The following PKD1L1 variants were observed in gnomAD, a reference collection of about 807,000 sequenced individuals.
The protein encoded by PKD1L1 is polycystin 1 like 1, transient receptor potential channel interacting.
In PKD1L1, 236 loss-of-function variants were observed where a neutral mutation model predicts 323.4. The observed-to-expected ratio is 0.73, with a 90% CI of 0.66 to 0.81. The LOEUF (loss-of-function observed/expected upper bound fraction) is 0.81. Ranked by LOEUF, PKD1L1 falls within the 40% of genes least tolerant of loss-of-function variation. The pLI, the probability that PKD1L1 is intolerant of heterozygous loss-of-function variation, is 0.00. For missense variants in PKD1L1, 3,320 were observed against 3,508.0 expected, an observed-to-expected ratio of 0.95 and a Z score of 1.35; for synonymous variants, 1,344 against 1,335.0, an observed-to-expected ratio of 1.01 and a Z score of -0.15.
intron 7 of PKD1L1, among the ~76,000 whole-genome samples, chr7:47,916,235 T>A (rs536105065): frequency 6.6e-6 from 1 of 152,160 alleles, no homozygotes; most frequent in East Asian, 1.9e-4. Flanking sequence ...AACTGGAAAA[T>A]TGGACTATTT....
intron 20 of PKD1L1, among the ~76,000 whole-genome samples, chr7:47,881,064 G>A (rs1209001825): frequency 6.6e-6 from 1 of 151,982 alleles, no homozygotes; most frequent in East Asian, 1.9e-4. Context: ...CAAGCAACAA[G>A]AGAATTCTGT....
chr7:47,819,066 A>C (rs1175341148), intron 46 of PKD1L1, among the ~76,000 whole-genome samples: 1 of 152,192 alleles, frequency 6.6e-6, no homozygotes, highest in Admixed American at 6.5e-5. Flanking sequence ...TCTATCTGGA[A>C]TGCTAGTAAA....
intron 52 of PKD1L1, among the ~76,000 whole-genome samples, chr7:47,805,940 T>C (rs1784767569): frequency 6.6e-6 from 1 of 152,222 alleles, no homozygotes; most frequent in Non-Finnish European, 1.5e-5. Context: ...TCAATACATG[T>C]CAGCTCTTCT....
At chr7:47,899,887 C>T (rs990201891) in intron 13 of PKD1L1, among the ~76,000 whole-genome samples, 30 of 144,106 alleles carry the variant, frequency 2.1e-4, no homozygotes, top group Non-Finnish European at 3.0e-4. Context: ...ACCCGGGAGG[C>T]GGAGCTTGCA....
chr7:47,781,566 GC>G (rs1175020212), intron 56 of PKD1L1, among the ~76,000 whole-genome samples: 1 of 151,594 alleles, frequency 6.6e-6, no homozygotes. Context: ...CTGCCACCAT[GC>G]CCAGCTAATT....
intron 3 of PKD1L1, 99 bp downstream of exon 3, chr7:47,940,094 C>T: frequency 6.8e-7 from 1 of 1,474,688 alleles, no homozygotes; most frequent in Non-Finnish European, 9.3e-7. Context: ...AAAACAATCC[C>T]TGATGAATTC....
At chr7:47,784,947 CT>C (rs1452289171) in intron 56 of PKD1L1, among the ~76,000 whole-genome samples, 1 of 152,148 alleles carries the variant, frequency 6.6e-6, no homozygotes, top group African/African-American at 2.4e-5. Flanking sequence ...CCCACCACTT[CT>C]TTTTGCTCAA....
Position 47,890,682 on chromosome 7 carries a change from C to T in PKD1L1, c.2535G>A (p.Ala845=), listed in dbSNP as rs117511904. The T allele has an allele frequency of 0.018, 29,556 of 1,613,914 alleles. 346 individuals carry two copies. Among genetic ancestry groups the T allele is most frequent in the Middle Eastern group, 0.035 (204 of 5,908 alleles). The stretch of plus-strand genomic sequence containing the variant: ...GTGCCTCAAAGGAAACAGTGGGAGC[C>T]GCGGCATCCAGTTGGTGTGCAGTGG... ...DSSTAHQLDA[A]APTVSFEAQW... The change falls in exon 16 of 57, where the codon GCG becomes GCA. Residue 845 remains alanine, a synonymous_variant. Transcript: ENST00000289672.
intron 43 of PKD1L1, 144 bp from the exon 44 acceptor site, chr7:47,829,745 G>T (rs1785306018): frequency 4.4e-6 from 4 of 916,860 alleles, no homozygotes; most frequent in Non-Finnish European, 6.5e-6. Context: ...TGGATTCCCA[G>T]CCCAACTACT....
In PKD1L1 at chr7:47,853,184, TC is replaced by T. The variant is rs770322353; in HGVS notation, c.4902del (p.Ile1635SerfsTer23). ...KPTPSDFLVK[Q>X]IYFWDESIVQ... is the part of the protein sequence containing the mutation. ...ACAATTGACTCATCCCAGAAGTAGA[TC>T]TGCTTCACAAGAAAATCAGAGGGAG... On this transcript the variant is annotated frameshift_variant, in exon 31 of 57. Transcript: ENST00000289672. LOFTEE classifies it high-confidence loss of function. 1 of 1,613,742 alleles carries T rather than the reference TC, an allele frequency of 6.2e-7. No homozygotes were observed. Among genetic ancestry groups the T allele is most frequent in the Non-Finnish European group, 8.5e-7 (1 of 1,179,700 alleles).
At position 47,885,900 on chromosome 7, in the gene PKD1L1, A is replaced by G; in HGVS notation, c.2991T>C (p.Leu997=). The G allele has an allele frequency of 6.2e-7, 1 of 1,614,126 alleles. No individual in the cohort carries two copies. The highest frequency in any genetic ancestry group is 8.5e-7 in the Non-Finnish European group (1 of 1,180,020). The change falls in exon 18 of 57, where the codon CTT becomes CTC. Residue 997 remains leucine (L), a synonymous_variant. Coordinates refer to ENST00000289672, the MANE Select transcript of PKD1L1 (RefSeq NM_138295.5). ...PFSREPSPVT[L]GQPATSAPRG... ...TTGGAGCTGAAGTGGCAGGTTGGCC[A>G]AGGGTCACGGGTGAAGGTTCCCGTG... is the stretch of plus-strand genomic sequence containing the variant.
Position 47,908,196 on chromosome 7 carries a change from A to C in PKD1L1, c.1283T>G (p.Val428Gly). The C allele has an allele frequency of 2.5e-6, 4 of 1,614,230 alleles. No individual in the cohort carries two copies. The highest frequency in any genetic ancestry group is 3.4e-6 in the Non-Finnish European group (4 of 1,180,028). Residue 428 changes from valine (V) to glycine (G), a missense_variant, in exon 9 of 57, where the codon GTG becomes GGG. Coordinates refer to ENST00000289672, the MANE Select transcript of PKD1L1 (RefSeq NM_138295.5). ...CTCCACATAATAAGGCCCAAGCTCC[A>C]CTTCGGTTCCATGAAACTCGTTATA... ...VIYNEFHGTE[V>G]ELGPYYVEIG...
At chr7:47,842,425 CCTCT>C (rs1785580433) in intron 34 of PKD1L1, among the ~76,000 whole-genome samples, 1 of 152,088 alleles carries the variant, frequency 6.6e-6, no homozygotes, top group Non-Finnish European at 1.5e-5. Context: ...AGGGAGTCTC[CCTCT>C]CTGAGGGATT....
chr7:47,914,773 C>T (rs1787393975), intron 8 of PKD1L1, among the ~76,000 whole-genome samples: 1 of 151,952 alleles, frequency 6.6e-6, no homozygotes, highest in African/African-American at 2.4e-5. Flanking sequence ...CCCTCTCCCT[C>T]ATCAGCCTTT....
At chr7:47,865,317 G>A in intron 25 of PKD1L1, 45 bp from the exon 26 acceptor site, 7 of 1,543,918 alleles carry the variant, frequency 4.5e-6, no homozygotes, top group Non-Finnish European at 6.2e-6. Context: ...AATGCAAGGA[G>A]AGGGAAATTA....
chr7:47,837,417 T>A (rs1252712194), intron 36 of PKD1L1, among the ~76,000 whole-genome samples: 1 of 152,202 alleles, frequency 6.6e-6, no homozygotes, highest in African/African-American at 2.4e-5. Flanking sequence ...CACACTGCTA[T>A]CACGCTGGAC....
At chr7:47,956,916 T>C in the PKD1L1 span, 14,784 of 153,038 alleles carry the variant, frequency 0.097, 850 homozygotes, top group South Asian at 0.19. Flanking sequence ...TTTAAATAAA[T>C]TGATTGGTCA....
intron 2 of PKD1L1, among the ~76,000 whole-genome samples, chr7:47,940,588 T>TAGGC (rs1358716106): frequency 7.9e-5 from 12 of 152,248 alleles, no homozygotes; most frequent in African/African-American, 2.9e-4. Flanking sequence ...AATGAATGCC[T>TAGGC]GTTCCAGAAA....
intron 7 of PKD1L1, among the ~76,000 whole-genome samples, chr7:47,927,021 A>G (rs536563442): frequency 6.6e-6 from 1 of 152,346 alleles, no homozygotes; most frequent in African/African-American, 2.4e-5. Context: ...TTATGCCAGG[A>G]TATATATTCA....
Sources: allele counts gnomAD v4.1 joint callset (sites outside exome capture counted in the v4.1 genomes callset), GRCh38; gene constraint gnomAD v4.1.1; transcripts MANE v1.5; gene names NCBI Gene and HGNC (gene_info 2026-07-23, HGNC 2026-07-21).